USP53: variants seen among roughly 807,000 people sequenced by gnomAD.
USP53 encodes ubiquitin carboxyl-terminal hydrolase 53.
Under a neutral mutation model 94.9 loss-of-function variants are expected in USP53, and 71 were observed. That is an observed-to-expected ratio of 0.75 (90% CI 0.62 to 0.91). USP53 has a LOEUF of 0.91. Among genes scored for constraint, USP53 ranks in the 40% least tolerant of loss-of-function variants. The pLI is 0.00. For synonymous variants in USP53, 375 were observed against 422.7 expected, an observed-to-expected ratio of 0.89 and a Z score of 1.39; for missense variants, 1,173 against 1,281.0, an observed-to-expected ratio of 0.92 and a Z score of 1.29.
rs369709393 is a variant in USP53, at chr4:119,273,666, C to T, written c.2209C>T (p.Arg737Cys). ...TACGACAAGCAACCTAAATAAAGAA[C>T]GTGGGGACTGTACCTCCCTTCAGAG... ...QITTSNLNKE[R>C]GDCTSLQSQH... The change falls in exon 17 of 19, where the codon CGT becomes TGT. Residue 737 changes from arginine (R) to cysteine (C), a missense_variant. Coordinates refer to ENST00000692078, the MANE Select transcript of USP53 (RefSeq NM_001371395.1). 2.0e-5 allele frequency: 32 copies of T among 1,612,208 alleles called. No homozygotes were observed. The African/African-American group carries it at 2.4e-4, about 12-fold the overall frequency.
intron 3 of USP53, among the ~76,000 whole-genome samples, chr4:119,233,630 C>A (rs1746357496): frequency 6.6e-6 from 1 of 152,048 alleles, no homozygotes; most frequent in African/African-American, 2.4e-5. Flanking sequence ...TGCTAGTTAA[C>A]CCATCGGATT....
intron 9 of USP53, among the ~76,000 whole-genome samples, chr4:119,257,957 A>G (rs1046007808): frequency 5.3e-5 from 8 of 152,228 alleles, no homozygotes; most frequent in African/African-American, 1.7e-4. Context: ...TTACAGCCCC[A>G]TCATTCTCTG....
intron 3 of USP53, chr4:119,221,585 C>T (rs1744527818): frequency 6.6e-6 from 1 of 152,186 alleles, no homozygotes; most frequent in South Asian, 2.1e-4. Flanking sequence ...GTTCCAAAGA[C>T]AGGAGCCCAA....
intron 6 of USP53, among the ~76,000 whole-genome samples, chr4:119,246,014 G>A (rs1748182702): frequency 6.6e-6 from 1 of 152,146 alleles, no homozygotes; most frequent in Admixed American, 6.5e-5. Flanking sequence ...AGGCCTTGAG[G>A]TATGAGTATA....
At chr4:119,218,201 AG>A (rs2149258242) in intron 3 of USP53, 1 of 152,330 alleles carries the variant, frequency 6.6e-6, no homozygotes, top group African/African-American at 2.4e-5. Flanking sequence ...GGAAAGATAA[AG>A]TTGCCATTGG....
intron 7 of USP53, among the ~76,000 whole-genome samples, chr4:119,252,626 C>T (rs1749180433): frequency 6.6e-6 from 1 of 151,950 alleles, no homozygotes; most frequent in Non-Finnish European, 1.5e-5. Flanking sequence ...GCTCTCTTTT[C>T]TTCTTTATTA....
chr4:119,232,177 C>T lies in USP53; in HGVS notation c.-664-3113C>T, dbSNP rs571801686. 7.2e-5 allele frequency among the ~76,000 whole-genome samples: 11 copies of T among 152,276 alleles called. 1 individual carries two copies. The South Asian group carries it at 2.3e-3, about 32-fold the overall frequency. ...ATTCACCCTTTAAAAGTGTAAAATT[C>T]AGTGATTTTTAGTATATTCACAGAA... On this transcript the variant is annotated intron_variant, in intron 3 of 18. Coordinates refer to ENST00000692078, the MANE Select transcript of USP53 (RefSeq NM_001371395.1).
chr4:119,242,516 G>T (rs1404262366), intron 5 of USP53, among the ~76,000 whole-genome samples: 3 of 152,088 alleles, frequency 2.0e-5, no homozygotes, highest in Non-Finnish European at 4.4e-5. Flanking sequence ...ATCCTTTTGG[G>T]TGTTTCTTTC....
rs1248165275 is a variant in USP53, at chr4:119,293,201, C to A, written c.3212C>A (p.Ser1071Ter). Reference protein sequence around the residue: ...FPESSGFCNNSLS With the variant: ...FPESSGFCNN ...GAGAGCAGTGGCTTTTGTAATAATT[C>A]ACTATCTTAGAGTGAAAAAGGACTA... The change falls in exon 19 of 19, where the codon TCA (serine) becomes TAA (stop). Residue 1071 changes from serine (S) to a stop codon, truncating the protein, a stop_gained. Transcript: ENST00000692078. LOFTEE classifies it high-confidence loss of function. 6.3e-7 allele frequency: 1 copy of A among 1,596,982 alleles called. No homozygotes were observed. Among genetic ancestry groups the A allele is most frequent in the South Asian group, 1.1e-5 (1 of 88,888 alleles).
At chr4:119,215,411 T>G (rs1421085559) in intron 2 of USP53, among the ~76,000 whole-genome samples, 1 of 152,156 alleles carries the variant, frequency 6.6e-6, no homozygotes, top group Non-Finnish European at 1.5e-5. Flanking sequence ...CTTTGCAGGT[T>G]ATACATTTTT....
At chr4:119,257,157 T>C (rs901285983) in intron 9 of USP53, among the ~76,000 whole-genome samples, 1 of 152,182 alleles carries the variant, frequency 6.6e-6, no homozygotes, top group African/African-American at 2.4e-5. Context: ...ATATTTGGCA[T>C]GTGGCTGGGC....
chr4:119,221,749 G>T (rs1179852589), intron 3 of USP53, among the ~76,000 whole-genome samples: 1 of 152,160 alleles, frequency 6.6e-6, no homozygotes, highest in African/African-American at 2.4e-5. Flanking sequence ...CGATTTTCTG[G>T]CAGTGCCTCT....
At chr4:119,241,191 A>G (rs1262976064) in intron 5 of USP53, among the ~76,000 whole-genome samples, 1 of 152,198 alleles carries the variant, frequency 6.6e-6, no homozygotes, top group Non-Finnish European at 1.5e-5. Context: ...AATTTTGAGT[A>G]AGGAAACTTA....
At chr4:119,269,221 A>G (rs889212057) in intron 14 of USP53, among the ~76,000 whole-genome samples, 1 of 152,210 alleles carries the variant, frequency 6.6e-6, no homozygotes, top group Non-Finnish European at 1.5e-5. Flanking sequence ...GAAATAGTAT[A>G]TATGTGTGTA....
In USP53 at chr4:119,215,856, T is replaced by C. The variant is rs1041861601; in HGVS notation, c.-789+1634T>C. On this transcript the variant is annotated intron_variant, in intron 2 of 18. Coordinates refer to ENST00000692078, the MANE Select transcript of USP53 (RefSeq NM_001371395.1). ...AACCTTATTCCAATATCTTAGCTAT[T>C]TTTATGAACAAAATCAGTTATTTGA... Among the ~76,000 whole-genome samples the C allele has an allele frequency of 5.9e-5, 9 of 152,340 alleles. No homozygotes were observed. In the South Asian group the frequency reaches 1.7e-3, roughly 28 times the overall value.
intron 12 of USP53, 111 bp downstream of exon 12, chr4:119,261,975 A>G: frequency 1.1e-6 from 1 of 951,052 alleles, no homozygotes; most frequent in Non-Finnish European, 1.4e-6. Flanking sequence ...TATGTAAAAT[A>G]GTAATAAATG....
At chr4:119,264,874 GC>G (rs1406487167) in intron 12 of USP53, among the ~76,000 whole-genome samples, 1 of 152,162 alleles carries the variant, frequency 6.6e-6, no homozygotes, top group Non-Finnish European at 1.5e-5. Flanking sequence ...TTTTCATAAT[GC>G]CCAAACTAGA....
intron 3 of USP53, among the ~76,000 whole-genome samples, chr4:119,228,183 C>T (rs771487280): frequency 2.0e-5 from 3 of 152,192 alleles, no homozygotes; most frequent in Non-Finnish European, 4.4e-5. Flanking sequence ...ATGGGCTGGC[C>T]TTTTATCTGG....
Position 119,259,618 on chromosome 4 carries a change from G to A in USP53, c.570-202G>A, listed in dbSNP as rs184991295. On this transcript the variant is annotated intron_variant, in intron 9 of 18. Coordinates refer to ENST00000692078, the MANE Select transcript of USP53 (RefSeq NM_001371395.1). ...TTGTGTTACTTTGTTTTCTTTATTT[G>A]AGCTAATTTTTTTCATTATATACTT... Among the ~76,000 whole-genome samples the A allele has an allele frequency of 1.6e-3, 236 of 152,094 alleles. 1 individual carries two copies. Among genetic ancestry groups the A allele is most frequent in the African/African-American group, 5.3e-3 (219 of 41,514 alleles).
Sources: allele counts gnomAD v4.1 joint callset (sites outside exome capture counted in the v4.1 genomes callset), GRCh38; gene constraint gnomAD v4.1.1; transcripts MANE v1.5; gene names NCBI Gene and HGNC (gene_info 2026-07-23, HGNC 2026-07-21).